The following SCGB2B2 variants were observed in gnomAD, a reference collection of about 807,000 sequenced individuals.
The protein encoded by SCGB2B2 is secretoglobin family 2B member 2.
Under a neutral mutation model 7.6 loss-of-function variants are expected in SCGB2B2, and 11 were observed. That is an observed-to-expected ratio of 1.45 (90% confidence interval 0.91 to 2.40). The LOEUF (loss-of-function observed/expected upper bound fraction) is 2.40. Among genes scored for constraint, SCGB2B2 ranks in the 30% most tolerant of loss-of-function variants. SCGB2B2 has a pLI of 0.00. For synonymous variants in SCGB2B2, 50 were observed against 48.6 expected (o/e 1.03, Z -0.12); for missense variants, 104 against 115.4 (o/e 0.90, Z 0.45).
At chr19:34,608,949 A>G (rs2145828324) in intron 1 of SCGB2B2, among the ~76,000 whole-genome samples, 1 of 151,958 alleles carries the variant, frequency 6.6e-6, no homozygotes, top group African/African-American at 2.4e-5. Context: ...AACCAGCAAG[A>G]GTTCCCATTT....
intron 1 of SCGB2B2, among the ~76,000 whole-genome samples, chr19:34,642,457 T>C (rs779779596): frequency 6.6e-6 from 1 of 152,102 alleles, no homozygotes; most frequent in African/African-American, 2.4e-5. Context: ...GGCTCACACC[T>C]GTAAGCCCAG....
At position 34,664,021 on chromosome 19, in the gene SCGB2B2, C is replaced by T. The variant is rs184710646; in HGVS notation, c.-2032+11609G>A. Among the ~76,000 whole-genome samples, 464 of 151,254 alleles carry T rather than the reference C, an allele frequency of 3.1e-3. 2 individuals carry two copies. The highest frequency in any genetic ancestry group is 0.011 in the African/African-American group (439 of 41,140). On this transcript the variant is annotated intron_variant, in intron 1 of 3. Coordinates refer to ENST00000601241, the MANE Select transcript of SCGB2B2 (RefSeq NM_001025591.4). ...ACACCTCTGCTAAGGGACTACTCCC[C>T]ACTCAGCACGCTGTTGACCTCCAGC... is the stretch of plus-strand genomic sequence containing the variant.
chr19:34,587,134 G>A (rs1192356000), downstream of SCGB2B2, among the ~76,000 whole-genome samples: 2 of 151,982 alleles, frequency 1.3e-5, no homozygotes, highest in South Asian at 2.1e-4. Context: ...TCTGGAACTC[G>A]TGACCTCAGA....
intron 1 of SCGB2B2, among the ~76,000 whole-genome samples, chr19:34,666,972 T>C (rs1268379676): frequency 6.6e-6 from 1 of 152,032 alleles, no homozygotes; most frequent in East Asian, 1.9e-4. Context: ...TCAACAGATA[T>C]CATCCCACGG....
intron 1 of SCGB2B2, among the ~76,000 whole-genome samples, chr19:34,614,256 T>TA (rs771817490): frequency 4.6e-5 from 7 of 152,186 alleles, no homozygotes; most frequent in Non-Finnish European, 1.0e-4. Context: ...TTTATTCACC[T>TA]AGTGGTGTTG....
downstream of SCGB2B2, among the ~76,000 whole-genome samples, chr19:34,588,253 A>G (rs7248534): frequency 3.3e-5 from 5 of 152,000 alleles, no homozygotes; most frequent in African/African-American, 1.2e-4. Flanking sequence ...TCAATCTTGG[A>G]AGGTTGTATT....
At position 34,594,285 on chromosome 19, in the gene SCGB2B2, C is replaced by T; in HGVS notation, c.136G>A (p.Glu46Lys). ...GGACTGGGGTTGTAACGAGCAAGCT[C>T]CTCCTTCAGGAGGTCTTGGGACACA... ...FDVSQDLLKE[E>K]LARYNPSPLT... is the part of the protein sequence containing the mutation. Residue 46 changes from glutamate to lysine, a missense_variant, in exon 3 of 4, where the codon GAG becomes AAG. Coordinates refer to ENST00000601241, the MANE Select transcript of SCGB2B2 (RefSeq NM_001025591.4). 6.2e-7 allele frequency: 1 copy of T among 1,614,098 alleles called. No homozygotes were observed. The highest frequency in any genetic ancestry group is 8.5e-7 in the Non-Finnish European group (1 of 1,179,984).
chr19:34,649,469 C>T (rs1451972026), intron 1 of SCGB2B2, among the ~76,000 whole-genome samples: 1 of 152,056 alleles, frequency 6.6e-6, no homozygotes, highest in Non-Finnish European at 1.5e-5. Flanking sequence ...TTGCTGGTCA[C>T]CACCATCACT....
intron 1 of SCGB2B2, among the ~76,000 whole-genome samples, chr19:34,644,310 T>G (rs1600062033): frequency 6.6e-6 from 1 of 151,842 alleles, no homozygotes; most frequent in Non-Finnish European, 1.5e-5. Context: ...CTGGGATTAC[T>G]GGTGAGTGCC....
intron 1 of SCGB2B2, among the ~76,000 whole-genome samples, chr19:34,600,858 AAAG>A (rs1377760028): frequency 6.6e-6 from 1 of 152,166 alleles, no homozygotes; most frequent in Non-Finnish European, 1.5e-5. Context: ...ATTTTAATAA[AAAG>A]AAGTTTAAAG....
chr19:34,653,521 A>G (rs910812944), intron 1 of SCGB2B2, among the ~76,000 whole-genome samples: 4 of 151,150 alleles, frequency 2.6e-5, no homozygotes, highest in Admixed American at 2.6e-4. Flanking sequence ...TAAAAGCAAA[A>G]GAAGAAAAGA....
At chr19:34,631,435 G>A (rs926697568) in intron 1 of SCGB2B2, among the ~76,000 whole-genome samples, 3 of 151,726 alleles carry the variant, frequency 2.0e-5, no homozygotes, top group Non-Finnish European at 4.4e-5. Flanking sequence ...GACACCTCTG[G>A]TTTACAGGGT....
At chr19:34,642,955 T>C (rs2066888512) in intron 1 of SCGB2B2, among the ~76,000 whole-genome samples, 1 of 152,156 alleles carries the variant, frequency 6.6e-6, no homozygotes, top group Non-Finnish European at 1.5e-5. Flanking sequence ...TAGATACTAT[T>C]GGTGGGAATG....
rs556290560 is a variant in SCGB2B2, at chr19:34,665,074, C to T, written c.-2032+10556G>A. Among the ~76,000 whole-genome samples the T allele has an allele frequency of 2.6e-5, 4 of 152,276 alleles. No individual in the cohort carries two copies. The East Asian group carries it at 7.7e-4, about 29-fold the overall frequency. On this transcript the variant is annotated intron_variant, in intron 1 of 3. Transcript: ENST00000601241. ...GATGCCTTTCTGACCCTGGACCTGC[C>T]CTGGGCCCTGCTCTCTGCCACCGCT...
chr19:34,615,241 C>CAT (rs535345495), intron 1 of SCGB2B2, among the ~76,000 whole-genome samples: 24 of 151,868 alleles, frequency 1.6e-4, no homozygotes, highest in South Asian at 4.2e-4. Flanking sequence ...GGAACACAGC[C>CAT]ATATATATAT....
chr19:34,628,954 G>A (rs1262694169), intron 1 of SCGB2B2, among the ~76,000 whole-genome samples: 1 of 151,958 alleles, frequency 6.6e-6, no homozygotes, highest in East Asian at 1.9e-4. Context: ...GGGATGCAAG[G>A]CTGGTTCAAC....
intron 1 of SCGB2B2, among the ~76,000 whole-genome samples, chr19:34,641,719 G>A (rs567705860): frequency 3.9e-5 from 6 of 152,120 alleles, no homozygotes; most frequent in Non-Finnish European, 7.4e-5. Flanking sequence ...CTCTTATGTC[G>A]ACTAAAACTC....
At chr19:34,609,543 C>T (rs2065874413) in intron 1 of SCGB2B2, among the ~76,000 whole-genome samples, 1 of 151,990 alleles carries the variant, frequency 6.6e-6, no homozygotes, top group Non-Finnish European at 1.5e-5. Flanking sequence ...ATATTAATAT[C>T]CAATTTTCCC....
intron 1 of SCGB2B2, among the ~76,000 whole-genome samples, chr19:34,629,942 C>T (rs1372547533): frequency 1.3e-5 from 2 of 151,884 alleles, no homozygotes; most frequent in Non-Finnish European, 2.9e-5. Flanking sequence ...ATAACAGAAC[C>T]CTCAGAAATA....
Sources: gnomAD v4.1 joint callset for allele counts (sites outside exome capture counted in the v4.1 genomes callset) on GRCh38, gnomAD v4.1.1 for gene constraint, MANE v1.5 for transcripts, NCBI Gene and HGNC (gene_info 2026-07-23, HGNC 2026-07-21) for gene names.